The following ABCF3 variants were observed in gnomAD, a reference collection of about 807,000 sequenced individuals.
ABCF3 encodes the protein ATP binding cassette subfamily F member 3.
In ABCF3, 62 loss-of-function variants were observed where a neutral mutation model predicts 94.3. The ratio of observed to expected loss-of-function variants is 0.66; its 90% CI spans 0.54 to 0.81. ABCF3 has a LOEUF of 0.81. Ranked by LOEUF, ABCF3 falls within the 40% of genes least tolerant of loss-of-function variation. The pLI is 0.00. For synonymous variants in ABCF3, 355 were observed against 361.1 expected, an observed-to-expected ratio of 0.98 and a Z score of 0.19; for missense variants, 843 against 925.3, an observed-to-expected ratio of 0.91 and a Z score of 1.15.
Position 184,193,774 on chromosome 3 carries a change from C to T in ABCF3, c.*76C>T. On this transcript the variant is annotated 3_prime_UTR_variant, in exon 21 of 21. Transcript: ENST00000429586. This position sits in a 1 kb window ranked among gnomAD's most constrained non-coding sequence, Gnocchi z 5.2. ...CTGGGCCACCATGTAGGCCACCACT[C>T]CAGGCCGTGGACTTCCCCCAACTTG... The T allele has an allele frequency of 2.1e-6, 3 of 1,454,218 alleles. No individual in the cohort carries two copies. In the South Asian group the frequency reaches 4.2e-5, roughly 21 times the overall value. 90.1% of individuals were successfully genotyped at this position (1,454,218 alleles called of 1,614,324 possible).
At chr3:184,192,387 CCTAT>C (rs371938226) in intron 16 of ABCF3, among the ~76,000 whole-genome samples, 26 of 152,268 alleles carry the variant, frequency 1.7e-4, no homozygotes, top group East Asian at 5.8e-4. Flanking sequence ...CTCCATTCCT[CCTAT>C]CTAACTGCAA....
rs75824087 is a variant in ABCF3 at position 184,191,190 on chromosome 3, G to C, written c.1504G>C (p.Asp502His). The change falls in exon 16 of 21, where the codon GAT (aspartate) becomes CAT (histidine). Residue 502 changes from aspartate (D) to histidine (H), a missense_variant. Physicochemically the swap from Asp to His is moderately conservative, Grantham distance 81. Transcript: ENST00000429586. ...LQLDEVDFYY[D>H]PKHVIFSRLS... ...GCTAGATGAGGTGGATTTCTACTAC[G>C]ATCCGAAGCACGTCATCTTCAGTCG... 16,385 of 1,614,154 alleles carry C rather than the reference G, an allele frequency of 0.01. 127 individuals carry two copies. Among genetic ancestry groups the C allele is most frequent in the Non-Finnish European group, 0.012 (14,569 of 1,180,036 alleles).
intron 3 of ABCF3, chr3:184,187,123 C>T (rs1214764746): frequency 3.2e-6 from 2 of 634,756 alleles, no homozygotes; most frequent in Non-Finnish European, 5.4e-6. Context: ...TTGCTTTCAC[C>T]CCCAGTTTTG....
In ABCF3 at chr3:184,186,780, A is replaced by G; in HGVS notation, c.222-16A>G. The G allele has an allele frequency of 1.9e-6, 3 of 1,611,834 alleles. No individual in the cohort carries two copies. The highest frequency in any genetic ancestry group is 2.2e-5 in the East Asian group (1 of 44,860). On this transcript the variant is annotated splice_polypyrimidine_tract_variant and intron_variant, in intron 2 of 20. Transcript: ENST00000429586. The stretch of plus-strand genomic sequence containing the variant: ...CTCAACTCCTAACTCTGCGCTTTCT[A>G]TCCCTACCCACATAGGGCTGAGCCA...
In ABCF3 at chr3:184,193,640, G is replaced by A; in HGVS notation, c.2072G>A (p.Gly691Glu). The change falls in exon 21 of 21, where the codon GGA becomes GAA. Residue 691 changes from glycine to glutamate, a missense_variant. Transcript: ENST00000429586. This position sits in a 1 kb window ranked among gnomAD's most constrained non-coding sequence, Gnocchi z 5.2. ...GGCGGCGTCACCCGTGTGGAAGGAG[G>A]ATTTGACCAGTACCGCGCCCTCCTC... is the stretch of plus-strand genomic sequence containing the variant. ...EGGGVTRVEG[G>E]FDQYRALLQE... 6.2e-7 allele frequency: 1 copy of A among 1,614,110 alleles called. No homozygotes were observed. Among genetic ancestry groups the A allele is most frequent in the South Asian group, 1.1e-5 (1 of 91,086 alleles).
rs1450443619 is a variant in ABCF3, at chr3:184,189,091, G to A, written c.981G>A (p.Glu327=). ...ATGTGACTCCATCATTCTTTAGGGA[G>A]TTCTCAGGTGGCTGGAGGATGAGGC... ...TPKMQQQPTR[E]FSGGWRMRLA... is the part of the protein sequence containing the mutation. The change falls in exon 10 of 21, where the codon GAG becomes GAA. Residue 327 remains glutamate (E), a synonymous_variant. Transcript: ENST00000429586. The A allele has an allele frequency of 4.3e-6, 7 of 1,614,114 alleles. No individual in the cohort carries two copies. In the African/African-American group the frequency reaches 6.7e-5, roughly 15 times the overall value.
At chr3:184,191,398 T>C (rs776928283) in intron 16 of ABCF3, 143 bp downstream of exon 16, 31 of 1,226,792 alleles carry the variant, frequency 2.5e-5, no homozygotes, top group Non-Finnish European at 3.5e-5. Context: ...TTGCAGGACT[T>C]ACACTAGCCC....
At chr3:184,186,446 T>A in intron 1 of ABCF3, 61 bp from the exon 2 acceptor site, 1 of 1,581,872 alleles carries the variant, frequency 6.3e-7, no homozygotes, top group Non-Finnish European at 8.6e-7. Flanking sequence ...GTCTGGGGTC[T>A]GAAACTGCTT....
Position 184,193,756 on chromosome 3 carries a change from A to T in ABCF3, c.*58A>T. 6.7e-7 allele frequency: 1 copy of T among 1,499,156 alleles called. No individual in the cohort carries two copies. The highest frequency in any genetic ancestry group is 2.4e-5 in the East Asian group (1 of 41,156). The allele number at this position is 1,499,156 out of a possible 1,614,324, so 92.9% of individuals were successfully genotyped here. On this transcript the variant is annotated 3_prime_UTR_variant, in exon 21 of 21. Transcript: ENST00000429586. The surrounding 1 kb of genome is among the most constrained non-coding windows in gnomAD (Gnocchi z 5.2). ...GACTGGTCTCTCAGACCCCTGGGCC[A>T]CCATGTAGGCCACCACTCCAGGCCG... is the stretch of plus-strand genomic sequence containing the variant.
Position 184,188,390 on chromosome 3 carries a change from C to T in ABCF3, c.819C>T (p.Ala273=), listed in dbSNP as rs368385747. The T allele has an allele frequency of 6.2e-7, 1 of 1,607,878 alleles. No individual in the cohort carries two copies. ...TACGGAGGGAGCGGGAGCTCACTGC[C>T]CAGATTGCTGCTGGCAGGTGAGGAC... The part of the protein sequence containing the change: ...DLLRRERELT[A]QIAAGRAEGS... Residue 273 remains alanine, a synonymous_variant, in exon 7 of 21, where the codon GCC becomes GCT. Coordinates refer to ENST00000429586, the MANE Select transcript of ABCF3 (RefSeq NM_018358.3).
intron 16 of ABCF3, among the ~76,000 whole-genome samples, chr3:184,192,128 C>T (rs1048671639): frequency 1.3e-5 from 2 of 152,130 alleles, no homozygotes; most frequent in Non-Finnish European, 2.9e-5. Context: ...ATTTCCTTCT[C>T]CTCTGTGTTA....
chr3:184,187,968 T>C lies in ABCF3; in HGVS notation c.554T>C (p.Val185Ala), dbSNP rs767802517. The part of the protein sequence containing the change: ...SYDVRIENFD[V>A]SFGDRVLLAG... Reference sequence around the variant, plus strand: ...GATGTGCGAATTGAGAACTTTGATGTGTCTTTTGGCGATAGGTGAGGGAAT... The same window carrying C: ...GATGTGCGAATTGAGAACTTTGATGCGTCTTTTGGCGATAGGTGAGGGAAT... Residue 185 changes from valine to alanine, a missense_variant, in exon 6 of 21, where the codon GTG becomes GCG. Physicochemically the swap from Val to Ala is moderately conservative, Grantham distance 64. Coordinates refer to ENST00000429586, the MANE Select transcript of ABCF3 (RefSeq NM_018358.3). The C allele has an allele frequency of 5.0e-6, 8 of 1,613,984 alleles. No homozygotes were observed. The highest frequency in any genetic ancestry group is 6.8e-6 in the Non-Finnish European group (8 of 1,180,030).
chr3:184,189,301 G>A (rs1316146027), intron 11 of ABCF3, 24 bp downstream of exon 11: 2 of 1,614,208 alleles, frequency 1.2e-6, no homozygotes, highest in East Asian at 4.5e-5. Context: ...GGGGCACCCT[G>A]ACTTTAGGAT....
chr3:184,192,845 C>T lies in ABCF3; in HGVS notation c.1699C>T (p.Gln567Ter). ...CTATTTCAGCCAGCACCATGTGGAGCAGCTGGACCTAAACGTCAGTGCTGT... is the reference window on the plus strand; with the variant it reads ...CTATTTCAGCCAGCACCATGTGGAGTAGCTGGACCTAAACGTCAGTGCTGT... ...IGYFSQHHVEQLDLNVSAVEL... is the reference protein window; with the variant it reads ...IGYFSQHHVE Residue 567 changes from glutamine to a stop codon, truncating the protein, a stop_gained, in exon 18 of 21, where the codon CAG becomes TAG. Coordinates refer to ENST00000429586, the MANE Select transcript of ABCF3 (RefSeq NM_018358.3). LOFTEE classifies it high-confidence loss of function. 1 of 1,614,208 alleles carries T rather than the reference C, an allele frequency of 6.2e-7. No homozygotes were observed. Among genetic ancestry groups the T allele is most frequent in the Non-Finnish European group, 8.5e-7 (1 of 1,180,032 alleles).
chr3:184,186,883 TGAGGG>T lies in ABCF3; in HGVS notation c.301+13_301+17del. 1 of 1,611,940 alleles carries T rather than the reference TGAGGG, an allele frequency of 6.2e-7. No homozygotes were observed. Among genetic ancestry groups the T allele is most frequent in the Non-Finnish European group, 8.5e-7 (1 of 1,179,092 alleles). On this transcript the variant is annotated intron_variant, in intron 3 of 20. Transcript: ENST00000429586. ...AGATAACGGAGAACTACGGTGAGAGTGAGGGGAGGTTGAACTAACTGCCCCCCTGT... is the reference window on the plus strand; with the variant it reads ...AGATAACGGAGAACTACGGTGAGAGTGAGGTTGAACTAACTGCCCCCCTGT...
In ABCF3 at chr3:184,192,610, A is replaced by G; in HGVS notation, c.1579A>G (p.Asn527Asp). Reference protein sequence around the residue: ...LESRICVVGENGAGKSTMLKL... With the variant: ...LESRICVVGEDGAGKSTMLKL... ...TTTCATGTTTCTTAAGGTTGGAGAG[A>G]ATGGGGCTGGGAAGTCTACCATGCT... is the stretch of plus-strand genomic sequence containing the variant. The change falls in exon 17 of 21, where the codon AAT becomes GAT. Residue 527 changes from asparagine (N) to aspartate (D), a missense_variant. Coordinates refer to ENST00000429586, the MANE Select transcript of ABCF3 (RefSeq NM_018358.3). The G allele has an allele frequency of 6.2e-7, 1 of 1,609,382 alleles. No homozygotes were observed. The highest frequency in any genetic ancestry group is 8.5e-7 in the Non-Finnish European group (1 of 1,179,018).
intron 1 of ABCF3, 43 bp from the exon 2 acceptor site, chr3:184,186,464 C>T: frequency 6.3e-7 from 1 of 1,587,724 alleles, no homozygotes; most frequent in South Asian, 1.2e-5. Flanking sequence ...CTTGTGTGTC[C>T]ACCCTACCCG....
At chr3:184,192,550 C>T (rs776826974) in intron 16 of ABCF3, 51 bp from the exon 17 acceptor site, 30 of 1,518,966 alleles carry the variant, frequency 2.0e-5, no homozygotes, top group Non-Finnish European at 2.6e-5. Flanking sequence ...TGAGAACATA[C>T]CGTATTTATT....
intron 14 of ABCF3, chr3:184,190,627 A>G (rs1715960326): frequency 5.5e-6 from 1 of 180,800 alleles, no homozygotes. Context: ...AGTTTTAGCC[A>G]TCCTAGTGGC....
Sources: gnomAD v4.1 joint callset for allele counts (sites outside exome capture counted in the v4.1 genomes callset) on GRCh38, gnomAD v4.1.1 for gene constraint, Gnocchi (gnomAD v3.1) non-coding constraint, MANE v1.5 for transcripts, NCBI Gene and HGNC (gene_info 2026-07-23, HGNC 2026-07-21) for gene names.